The following PDE4D variants were observed in gnomAD, a reference collection of about 807,000 sequenced individuals.
PDE4D encodes the protein phosphodiesterase 4D.
Under a neutral mutation model 87.4 loss-of-function variants are expected in PDE4D, and 24 were observed. The ratio of observed to expected loss-of-function variants is 0.27; its 90% confidence interval spans 0.20 to 0.39. PDE4D has a LOEUF of 0.39. PDE4D is among the 10% of genes least tolerant of loss of function. The probability of loss-of-function intolerance (pLI) is 1.00; values close to 1 mark genes in which losing one functional copy is unlikely to be tolerated. For synonymous variants in PDE4D, 384 were observed against 383.2 expected, an observed-to-expected ratio of 1.00 and a Z score of -0.02; for missense variants, 714 against 1,041.0, an observed-to-expected ratio of 0.69 and a Z score of 4.32.
At chr5:60,332,557 T>C (rs1008309151) in intron 1 of PDE4D, among the ~76,000 whole-genome samples, 1 of 152,192 alleles carries the variant, frequency 6.6e-6, no homozygotes, top group African/African-American at 2.4e-5. Context: ...CCACACTGCA[T>C]ATGTACCACA....
intron 9 of PDE4D, 100 bp downstream of exon 9, chr5:58,990,704 A>C: frequency 1.5e-6 from 1 of 652,066 alleles, no homozygotes; most frequent in Non-Finnish European, 2.7e-6. Context: ...AAATAAGCAA[A>C]AGGTGGGGAA....
rs991062180 is a variant in PDE4D at position 60,447,105 on chromosome 5, C to T, written c.-90+40837G>A. On this transcript the variant is annotated intron_variant, in intron 1 of 16. Transcript: ENST00000502484. ...GCACTTGCACACCATACCGTGGCCT[C>T]CAGCTCTCTAACATGTGCTGATTGC... Among the ~76,000 whole-genome samples, 5 of 152,242 alleles carry T rather than the reference C, an allele frequency of 3.3e-5. No homozygotes were observed. The South Asian group carries it at 8.3e-4, about 25-fold the overall frequency.
intron 1 of PDE4D, among the ~76,000 whole-genome samples, chr5:59,685,144 A>G (rs191205104): frequency 6.6e-6 from 1 of 152,346 alleles, no homozygotes; most frequent in East Asian, 1.9e-4. Context: ...AATTCAATAC[A>G]TTGTGCCAAG....
chr5:59,255,771 A>G (rs541913511), intron 1 of PDE4D, among the ~76,000 whole-genome samples: 1 of 152,252 alleles, frequency 6.6e-6, no homozygotes, highest in African/African-American at 2.4e-5. Flanking sequence ...CATAAACTCT[A>G]AGAGTATATA....
At chr5:60,306,972 C>T (rs201848391) in intron 1 of PDE4D, among the ~76,000 whole-genome samples, 143 of 152,184 alleles carry the variant, frequency 9.4e-4, no homozygotes, top group Middle Eastern at 6.8e-3. Context: ...CATTATATTA[C>T]GTTGTTGCAA....
intron 1 of PDE4D, chr5:59,356,885 A>T: frequency 6.6e-7 from 1 of 1,516,512 alleles, no homozygotes; most frequent in Non-Finnish European, 8.7e-7. Flanking sequence ...AACCACGAGA[A>T]GTCAGAGCTG....
At chr5:60,437,045 C>T (rs73759052) in intron 1 of PDE4D, among the ~76,000 whole-genome samples, 9,057 of 152,082 alleles carry the variant, frequency 0.06, 376 homozygotes, top group East Asian at 0.14. Flanking sequence ...AGATGTGTGA[C>T]CTCAACACAA....
intron 1 of PDE4D, among the ~76,000 whole-genome samples, chr5:60,315,114 TGG>T: frequency 6.6e-6 from 1 of 152,290 alleles, no homozygotes; most frequent in East Asian, 1.9e-4. Flanking sequence ...AGTGTAAAAG[TGG>T]TCCTATTTCT....
At chr5:59,383,142 C>G (rs1395872241) in intron 1 of PDE4D, among the ~76,000 whole-genome samples, 1 of 152,022 alleles carries the variant, frequency 6.6e-6, no homozygotes, top group East Asian at 1.9e-4. Flanking sequence ...AATTTATTTC[C>G]CGGTGTAAAT....
intron 2 of PDE4D, among the ~76,000 whole-genome samples, chr5:59,215,128 A>G (rs929006312): frequency 1.8e-4 from 27 of 152,212 alleles, no homozygotes; most frequent in African/African-American, 6.5e-4. Flanking sequence ...CACTGAGAAA[A>G]TGAGCTAGTG....
chr5:59,531,884 T>C (rs1237685371), intron 1 of PDE4D, among the ~76,000 whole-genome samples: 2 of 152,208 alleles, frequency 1.3e-5, no homozygotes, highest in Non-Finnish European at 2.9e-5. Context: ...GTCCAGGGAT[T>C]AGGCAGTGGA....
At chr5:59,333,276 T>A (rs543395624) in intron 1 of PDE4D, among the ~76,000 whole-genome samples, 1 of 152,178 alleles carries the variant, frequency 6.6e-6, no homozygotes, top group Non-Finnish European at 1.5e-5. Flanking sequence ...TTCTTTTTTT[T>A]AATATGAAGG....
intron 1 of PDE4D, among the ~76,000 whole-genome samples, chr5:60,341,363 C>T (rs983402905): frequency 2.0e-5 from 3 of 152,174 alleles, no homozygotes; most frequent in Non-Finnish European, 4.4e-5. Context: ...ATCCATGCCA[C>T]GGTGACTGTG....
At chr5:60,423,014 C>T (rs1743276690) in intron 1 of PDE4D, among the ~76,000 whole-genome samples, 1 of 152,140 alleles carries the variant, frequency 6.6e-6, no homozygotes, top group South Asian at 2.1e-4. Flanking sequence ...TATATATGTA[C>T]CCAATACAGG....
chr5:60,100,198 T>C (rs1447977440), intron 2 of PDE4D, among the ~76,000 whole-genome samples: 1 of 152,012 alleles, frequency 6.6e-6, no homozygotes, highest in East Asian at 1.9e-4. Flanking sequence ...AAGGAAATTA[T>C]GTATATGTAT....
At chr5:59,784,214 GTC>G (rs1361758097) in intron 1 of PDE4D, among the ~76,000 whole-genome samples, 1 of 149,680 alleles carries the variant, frequency 6.7e-6, no homozygotes, top group Non-Finnish European at 1.5e-5. Flanking sequence ...AGAGGTACAT[GTC>G]TCTGATTCCC....
chr5:59,345,080 CAT>C (rs1345273482), intron 1 of PDE4D, among the ~76,000 whole-genome samples: 8 of 151,890 alleles, frequency 5.3e-5, no homozygotes, highest in Admixed American at 5.2e-4. Context: ...ATTAAAAAGA[CAT>C]AATGACTATA....
At chr5:59,216,900 C>T (rs1751381701) in intron 1 of PDE4D, 1 of 196,702 alleles carries the variant, frequency 5.1e-6, no homozygotes, top group Admixed American at 5.6e-5. Context: ...TCCCTAATGA[C>T]AGAATTTACA....
intron 1 of PDE4D, among the ~76,000 whole-genome samples, chr5:59,866,829 T>A (rs1201491326): frequency 6.6e-6 from 1 of 152,134 alleles, no homozygotes; most frequent in Non-Finnish European, 1.5e-5. Context: ...CCTAATCAAG[T>A]GTCTCTTCAA....
Sources: allele counts gnomAD v4.1 joint callset (sites outside exome capture counted in the v4.1 genomes callset), GRCh38; gene constraint gnomAD v4.1.1; transcripts MANE v1.5; gene names NCBI Gene and HGNC (gene_info 2026-07-23, HGNC 2026-07-21).